SAMMSON: variants seen among roughly 807,000 people sequenced by gnomAD.
SAMMSON encodes long intergenic non-protein coding RNA 1212.
At chr3:70,325,664 T>C (rs543959865) in intron 7 of SAMMSON, among the ~76,000 whole-genome samples, 28 of 152,270 alleles carry the variant, frequency 1.8e-4, no homozygotes, top group Admixed American at 1.7e-3. Flanking sequence ...CAACACCCTC[T>C]TTCAAAGGAA....
chr3:70,290,713 C>T (rs1334628255), intron 6 of SAMMSON, among the ~76,000 whole-genome samples: 1 of 152,130 alleles, frequency 6.6e-6, no homozygotes, highest in African/African-American at 2.4e-5. Context: ...ATCAGTGAGA[C>T]TCCGTGGGCG....
At chr3:70,117,863 CTATT>C (rs2067417527) in intron 4 of SAMMSON, among the ~76,000 whole-genome samples, 2 of 152,144 alleles carry the variant, frequency 1.3e-5, no homozygotes, top group Non-Finnish European at 2.9e-5. Context: ...ATATTTCTAG[CTATT>C]TATTTACCTA....
intron 4 of SAMMSON, among the ~76,000 whole-genome samples, chr3:70,187,302 C>T (rs1701098306): frequency 6.6e-6 from 1 of 152,098 alleles, no homozygotes; most frequent in Non-Finnish European, 1.5e-5. Flanking sequence ...GTTCCTTTGA[C>T]CTGTGAATAC....
chr3:70,061,238 C>T (rs73104091), intron 3 of SAMMSON, among the ~76,000 whole-genome samples: 5,330 of 152,062 alleles, frequency 0.035, 117 homozygotes, highest in Middle Eastern at 0.058. Context: ...ACCGACAGGA[C>T]CTCCAGTTGG....
Position 70,108,423 on chromosome 3 carries a change from CTTT to C in SAMMSON, n.507+36874_507+36876del, listed in dbSNP as rs61561713. The stretch of plus-strand genomic sequence containing the variant: ...TAGTGTTTCTCAACTCTTGCGGTTC[CTTT>C]TTTTTTTTTTTTTTTATCATAACTC... On this transcript the variant is annotated intron_variant and non_coding_transcript_variant, in intron 4 of 9. Transcript: ENST00000642114. Among the ~76,000 whole-genome samples, 11 of 89,332 alleles carry C rather than the reference CTTT, an allele frequency of 1.2e-4. 1 individual carries two copies. Among genetic ancestry groups the C allele is most frequent in the East Asian group, 1.1e-3 (2 of 1,850 alleles). 58.6% of individuals were successfully genotyped at this position (89,332 alleles called of 152,430 possible). A position where few individuals can be genotyped will look rare whatever the true frequency, so the allele number is the denominator to read the frequency against.
At chr3:70,399,740 T>G (rs1701123552) in intron 2 of SAMMSON, among the ~76,000 whole-genome samples, 1 of 151,406 alleles carries the variant, frequency 6.6e-6, no homozygotes, top group Non-Finnish European at 1.5e-5. Flanking sequence ...TGTGGTGGTG[T>G]GTGCCTGTAG....
intron 4 of SAMMSON, among the ~76,000 whole-genome samples, chr3:70,246,709 AT>A (rs761203846): frequency 1.4e-4 from 21 of 152,092 alleles, no homozygotes; most frequent in Non-Finnish European, 2.8e-4. Context: ...GGCACTCTAT[AT>A]TTAATCTGGC....
rs915748876 is a variant in SAMMSON at position 70,310,446 on chromosome 3, A to G, written n.739+19203A>G. ...AGTGGTGTGATCTCGGCTCACTGCA[A>G]CCTCTGCCTCCCCAGTTCAAGCGAT... On this transcript the variant is annotated intron_variant and non_coding_transcript_variant, in intron 7 of 9. Coordinates refer to ENST00000642114, the Ensembl canonical transcript of SAMMSON. Among the ~76,000 whole-genome samples the G allele has an allele frequency of 2.0e-5, 3 of 150,432 alleles. No homozygotes were observed. In the South Asian group the frequency reaches 6.4e-4, roughly 32 times the overall value.
intron 4 of SAMMSON, among the ~76,000 whole-genome samples, chr3:70,110,122 C>T (rs1020061706): frequency 6.6e-6 from 1 of 152,182 alleles, no homozygotes; most frequent in Non-Finnish European, 1.5e-5. Flanking sequence ...AGTGGAGATA[C>T]ACAGAAAACT....
chr3:70,428,424 A>T (rs929749792), intron 2 of SAMMSON, among the ~76,000 whole-genome samples: 2 of 152,210 alleles, frequency 1.3e-5, no homozygotes, highest in Non-Finnish European at 2.9e-5. Context: ...CCACAAATAC[A>T]TGCACATTTA....
rs371259063 is a variant in SAMMSON, at chr3:70,189,037, C to T, written n.508-60070C>T. Among the ~76,000 whole-genome samples the T allele has an allele frequency of 1.2e-4, 19 of 152,266 alleles. 1 individual carries two copies. Among genetic ancestry groups the T allele is most frequent in the African/African-American group, 4.6e-4 (19 of 41,560 alleles). On this transcript the variant is annotated intron_variant and non_coding_transcript_variant, in intron 4 of 9. Coordinates refer to ENST00000642114, the Ensembl canonical transcript of SAMMSON. ...GAGACCATGAATCTTTAGAATGTTT[C>T]TCCAATTTTGAGTGCCTAAGTAATA...
chr3:70,065,218 C>T, intron 3 of SAMMSON: 1 of 152,026 alleles, frequency 6.6e-6, no homozygotes, highest in Non-Finnish European at 1.5e-5. Flanking sequence ...AAAGAGGTCA[C>T]TGGTCTTTCC....
At chr3:70,186,598 G>T (rs1259381098) in intron 4 of SAMMSON, among the ~76,000 whole-genome samples, 2 of 152,036 alleles carry the variant, frequency 1.3e-5, no homozygotes, top group Admixed American at 6.6e-5. Flanking sequence ...TATTTTGAAA[G>T]GTTACCTAAT....
chr3:70,374,250 CATT>C (rs757351090), intron 9 of SAMMSON, among the ~76,000 whole-genome samples: 40 of 152,210 alleles, frequency 2.6e-4, no homozygotes, highest in Middle Eastern at 6.8e-3. Flanking sequence ...ATAATTATAA[CATT>C]GTTGTTGTCT....
At chr3:70,016,359 C>A (rs767306105) in intron 3 of SAMMSON, among the ~76,000 whole-genome samples, 2 of 152,116 alleles carry the variant, frequency 1.3e-5, no homozygotes, top group Non-Finnish European at 2.9e-5. Context: ...GTATAAATGT[C>A]TTCTTTTGAG....
chr3:70,151,811 A>C (rs1485890569), intron 4 of SAMMSON, among the ~76,000 whole-genome samples: 2 of 151,968 alleles, frequency 1.3e-5, no homozygotes, highest in African/African-American at 4.8e-5. Flanking sequence ...CATTTTAAAC[A>C]TGAAGCTCTA....
chr3:70,352,208 C>G (rs1702799563), intron 7 of SAMMSON, among the ~76,000 whole-genome samples: 1 of 151,298 alleles, frequency 6.6e-6, no homozygotes, highest in Non-Finnish European at 1.5e-5. Context: ...GACCTCATAG[C>G]CAAGTTTTAG....
chr3:70,191,076 T>C (rs1252623209), intron 4 of SAMMSON, among the ~76,000 whole-genome samples: 2 of 152,172 alleles, frequency 1.3e-5, no homozygotes, highest in Non-Finnish European at 2.9e-5. Flanking sequence ...TCTTCTATAT[T>C]CTTATTTTAT....
At chr3:70,082,480 G>A (rs2067270834) in intron 4 of SAMMSON, among the ~76,000 whole-genome samples, 1 of 152,088 alleles carries the variant, frequency 6.6e-6, no homozygotes, top group African/African-American at 2.4e-5. Context: ...TGGGGAAGGT[G>A]GTTTGGAGAG....
Sources: allele counts gnomAD v4.1 joint callset (sites outside exome capture counted in the v4.1 genomes callset), GRCh38; gene constraint gnomAD v4.1.1; transcripts MANE v1.5; gene names NCBI Gene and HGNC (gene_info 2026-07-23, HGNC 2026-07-21).